The following MST1R variants were observed in gnomAD, a reference collection of about 807,000 sequenced individuals.
MST1R encodes the protein macrophage stimulating 1 receptor, also known as macrophage-stimulating protein receptor.
In MST1R, 99 loss-of-function variants were observed where a neutral mutation model predicts 117.8. That is an observed-to-expected ratio of 0.84 (90% CI 0.71 to 0.99). The LOEUF is 0.99. Ranked by LOEUF, MST1R falls within the 50% of genes least tolerant of loss-of-function variation. The pLI is 0.00. For missense variants in MST1R, 1,683 were observed against 1,840.2 expected, an observed-to-expected ratio of 0.91 and a Z score of 1.56; for synonymous variants, 734 against 765.3, an observed-to-expected ratio of 0.96 and a Z score of 0.68.
chr3:49,891,011 C>T (rs2082298711), intron 17 of MST1R, among the ~76,000 whole-genome samples, 186 bp downstream of exon 17: 1 of 152,230 alleles, frequency 6.6e-6, no homozygotes, highest in African/African-American at 2.4e-5. Context: ...CAGACGTGAG[C>T]CACCGCGCCT....
intron 1 of MST1R, chr3:49,899,647 C>T (rs2082607742): frequency 5.2e-6 from 1 of 192,434 alleles, no homozygotes; most frequent in African/African-American, 2.7e-5. Context: ...GTGATCTCAG[C>T]TCACTGCAAC....
In MST1R at chr3:49,898,517, C is replaced by A. The variant is rs778110300; in HGVS notation, c.1719+1G>T. 2 of 1,613,178 alleles carry A rather than the reference C, an allele frequency of 1.2e-6. No individual in the cohort carries two copies. The highest frequency in any genetic ancestry group is 8.5e-7 in the Non-Finnish European group (1 of 1,179,782). ...CCTGTGCCCTGCCAGGGAAGCCATA[C>A]CTCAGTAAGCTTAGGTGGGCAGTGG... On this transcript the variant is annotated splice_donor_variant, in intron 4 of 19. Transcript: ENST00000296474. LOFTEE classifies it high-confidence loss of function.
In MST1R at chr3:49,902,659, G is replaced by A. The variant is rs558472598; in HGVS notation, c.951C>T (p.Pro317=). Residue 317 remains proline (P), a synonymous_variant, in exon 1 of 20, where the codon CCC becomes CCT. Transcript: ENST00000296474. The part of the protein sequence containing the change: ...RRRGAPEGGQ[P]YPVLRVAHSA... ...AGTGGGCCACCCGCAGCACAGGGTA[G>A]GGCTGTCCGCCTTCTGGGGCCCCCC... 1.1e-4 allele frequency: 174 copies of A among 1,613,428 alleles called. 1 individual carries two copies. In the South Asian group the frequency reaches 1.7e-3, roughly 16 times the overall value.
intron 10 of MST1R, 34 bp downstream of exon 10, chr3:49,896,161 C>G: frequency 6.2e-7 from 1 of 1,614,166 alleles, no homozygotes; most frequent in Non-Finnish European, 8.5e-7. Flanking sequence ...CTTTCAGATC[C>G]CCAACTGTCC....
Position 49,903,484 on chromosome 3 carries a change from C to T in MST1R, c.126G>A (p.Val42=). 6.2e-7 allele frequency: 1 copy of T among 1,612,624 alleles called. No homozygotes were observed. Among genetic ancestry groups the T allele is most frequent in the South Asian group, 1.1e-5 (1 of 91,090 alleles). Reference sequence around the variant, plus strand: ...CGGAGAAGCTGGGCACCACGTACTTCACGTCAAAGTCGCGAGAGGCCGCGT... The same window carrying T: ...CGGAGAAGCTGGGCACCACGTACTTTACGTCAAAGTCGCGAGAGGCCGCGT... ...TPYAASRDFD[V]KYVVPSFSAG... The change falls in exon 1 of 20, where the codon GTG becomes GTA. Residue 42 remains valine (V), a synonymous_variant. Transcript: ENST00000296474.
chr3:49,896,133 C>T (rs757297666), intron 10 of MST1R, 26 bp from the exon 11 acceptor site: 1 of 1,614,164 alleles, frequency 6.2e-7, no homozygotes, highest in Non-Finnish European at 8.5e-7. Context: ...TGAGGACCAG[C>T]CAGTAGGCTG....
In MST1R at chr3:49,895,255, G is replaced by A. The variant is rs1269204987; in HGVS notation, c.3183C>T (p.Asp1061=). The A allele has an allele frequency of 1.2e-5, 20 of 1,614,052 alleles. No individual in the cohort carries two copies. Among genetic ancestry groups the A allele is most frequent in the Middle Eastern group, 1.6e-4 (1 of 6,084 alleles). The part of the protein sequence containing the change: ...LLRKESIQLR[D]LDSALLAEVK... ...CCTCAGCCAAGAGCGCAGAGTCCAG[G>A]TCCCTTAGCTGGATGGACTCTTTCC... The change falls in exon 14 of 20, where the codon GAC becomes GAT. Residue 1061 remains aspartate, a synonymous_variant. Coordinates refer to ENST00000296474, the MANE Select transcript of MST1R (RefSeq NM_002447.4).
In MST1R at chr3:49,891,537, C is replaced by T; in HGVS notation, c.3396G>A (p.Gly1132=). ...MQQVEAFLRE[G]LLMRGLNHPN... ...GGTGGTTCAGGCCACGCATGAGCAG[C>T]CCCTCTCGCAGGAAGGCCTCCACCT... The change falls in exon 16 of 20, where the codon GGG becomes GGA. Residue 1132 remains glycine (G), a synonymous_variant. Coordinates refer to ENST00000296474, the MANE Select transcript of MST1R (RefSeq NM_002447.4). The T allele has an allele frequency of 6.2e-7, 1 of 1,613,996 alleles. No individual in the cohort carries two copies. The highest frequency in any genetic ancestry group is 8.5e-7 in the Non-Finnish European group (1 of 1,180,034).
At chr3:49,895,676 G>C in intron 12 of MST1R, 39 bp downstream of exon 12, 7 of 1,612,410 alleles carry the variant, frequency 4.3e-6, no homozygotes, top group Non-Finnish European at 5.9e-6. Flanking sequence ...CCATTGGTTG[G>C]GGGTAGGGGC....
At chr3:49,894,400 C>A (rs986161236) in intron 14 of MST1R, among the ~76,000 whole-genome samples, 3 of 151,754 alleles carry the variant, frequency 2.0e-5, no homozygotes, top group African/African-American at 7.3e-5. Flanking sequence ...CCCATCTCTA[C>A]AAAAAATAAA....
Position 49,898,916 on chromosome 3 carries a change from C to G in MST1R, c.1499G>C (p.Arg500Pro), listed in dbSNP as rs755080567. 2 of 1,614,160 alleles carry G rather than the reference C, an allele frequency of 1.2e-6. No individual in the cohort carries two copies. The highest frequency in any genetic ancestry group is 1.7e-5 in the Admixed American group (1 of 60,032). The change falls in exon 3 of 20, where the codon CGG (arginine) becomes CCG (proline). Residue 500 changes from arginine (R) to proline (P), a missense_variant. Physicochemically the swap from Arg to Pro is moderately radical, Grantham distance 103. Coordinates refer to ENST00000296474, the MANE Select transcript of MST1R (RefSeq NM_002447.4). ...SLGDSGQPVQRDVSRLGDHLL... is the reference protein window; with the variant it reads ...SLGDSGQPVQPDVSRLGDHLL... The stretch of plus-strand genomic sequence containing the variant: ...GTGGTCCCCAAGACGACTGACATCC[C>G]GCTGCACGGGCTGCCCACTGTCACC...
At position 49,897,761 on chromosome 3, in the gene MST1R, G is replaced by A. The variant is rs9875038; in HGVS notation, c.1881-76C>T. On this transcript the variant is annotated intron_variant, in intron 5 of 19. Coordinates refer to ENST00000296474, the MANE Select transcript of MST1R (RefSeq NM_002447.4). The stretch of plus-strand genomic sequence containing the variant: ...GATGCATGCCTGCCACAAGCCACAG[G>A]GCTCCTCTGAGCCAGAGAATGGCAT... 5.1e-4 allele frequency: 774 copies of A among 1,516,906 alleles called. 1 individual carries two copies. In the African/African-American group the frequency reaches 9.5e-3, roughly 19 times the overall value. The allele number at this position is 1,516,906 out of a possible 1,614,324, so 94.0% of individuals were successfully genotyped here. A position where few individuals can be genotyped will look rare whatever the true frequency, so the allele number is the denominator to read the frequency against.
At position 49,890,556 on chromosome 3, in the gene MST1R, C is replaced by T. The variant is rs374259168; in HGVS notation, c.3739G>A (p.Ala1247Thr). The T allele has an allele frequency of 1.1e-5, 17 of 1,614,034 alleles. No homozygotes were observed. The highest frequency in any genetic ancestry group is 2.7e-5 in the African/African-American group (2 of 74,928). The change falls in exon 18 of 20, where the codon GCT becomes ACT. Residue 1247 changes from alanine to threonine, a missense_variant. By Grantham distance (58) the Ala-to-Thr change is moderately conservative (BLOSUM62 0). Transcript: ENST00000296474. ...EYYSVQQHRH[A>T]RLPVKWMALE... ...GCCATCCACTTCACAGGTAGGCGAG[C>T]GTGGCGATGCTGTTGAACACTATAG...
chr3:49,897,248 GCGGCCTCC>G (rs1396919428), intron 7 of MST1R, 24 bp downstream of exon 7: 5 of 1,576,032 alleles, frequency 3.2e-6, no homozygotes, highest in Non-Finnish European at 4.3e-6. Context: ...ATAGAACCCT[GCGGCCTCC>G]CATGCCTGCC....
chr3:49,891,636 T>C (rs1209259998), intron 15 of MST1R, 56 bp from the exon 16 acceptor site: 3 of 1,610,276 alleles, frequency 1.9e-6, no homozygotes, highest in African/African-American at 1.3e-5. Flanking sequence ...AAGGCTCAGA[T>C]GGGGAAATGG....
chr3:49,899,013 T>C lies in MST1R; in HGVS notation c.1420-18A>G. 6.2e-7 allele frequency: 1 copy of C among 1,614,170 alleles called. No individual in the cohort carries two copies. On this transcript the variant is annotated intron_variant, in intron 2 of 19. Coordinates refer to ENST00000296474, the MANE Select transcript of MST1R (RefSeq NM_002447.4). ...AGCTCCACCTAGGACAGGTCAGATGTGAGCAAAATGGGGATGGAGACAAGG... is the reference window on the plus strand; with the variant it reads ...AGCTCCACCTAGGACAGGTCAGATGCGAGCAAAATGGGGATGGAGACAAGG...
chr3:49,895,747 A>ACCAGTGCAGTCG lies in MST1R; in HGVS notation c.2918_2929dup (p.Ala973_Leu976dup). 1 of 1,613,148 alleles carries ACCAGTGCAGTCG rather than the reference A, an allele frequency of 6.2e-7. No homozygotes were observed. ...CTTCCTCCGCCACCAGTAGCTGAAGACCAGTGCAGTCGCCAGTGCAGCCAC... is the reference window on the plus strand; with the variant it reads ...CTTCCTCCGCCACCAGTAGCTGAAGACCAGTGCAGTCGCCAGTGCAGTCGCCAGTGCAGCCAC... On this transcript the variant is annotated inframe_insertion, in exon 12 of 20. Transcript: ENST00000296474.
chr3:49,892,454 G>C (rs1453000687), intron 14 of MST1R, among the ~76,000 whole-genome samples: 2 of 151,862 alleles, frequency 1.3e-5, no homozygotes, highest in African/African-American at 4.8e-5. Context: ...TTGAACCCGG[G>C]AGGCAGAGGT....
intron 7 of MST1R, 22 bp from the exon 8 acceptor site, chr3:49,896,912 C>T (rs1362466035): frequency 6.8e-6 from 10 of 1,476,106 alleles, no homozygotes; most frequent in Non-Finnish European, 9.0e-6. Context: ...AGAGATTGGG[C>T]TCAAGGTTAC....
Sources: gnomAD v4.1 joint callset for allele counts (sites outside exome capture counted in the v4.1 genomes callset) on GRCh38, gnomAD v4.1.1 for gene constraint, MANE v1.5 for transcripts, NCBI Gene and HGNC (gene_info 2026-07-23, HGNC 2026-07-21) for gene names.